Variants in EPHB1 observed in about 807,000 individuals in gnomAD.
EPHB1 encodes ephrin type-B receptor 1.
A neutral mutation model predicts 94.4 loss-of-function variants in EPHB1; 30 were observed. The observed-to-expected ratio is 0.32, with a 90% CI of 0.24 to 0.43. The LOEUF (loss-of-function observed/expected upper bound fraction) is 0.43, where lower values mean the gene tolerates loss of function less well. Among genes scored for constraint, EPHB1 ranks in the 20% least tolerant of loss-of-function variants. The pLI is 1.00. For missense variants in EPHB1, 1,055 were observed against 1,308.3 expected (o/e 0.81, Z 2.99); for synonymous variants, 522 against 489.1 (o/e 1.07, Z -0.89).
At chr3:134,882,543 G>A (rs979727931) in intron 1 of EPHB1, among the ~76,000 whole-genome samples, 5 of 152,268 alleles carry the variant, frequency 3.3e-5, no homozygotes, top group South Asian at 4.2e-4. Flanking sequence ...AAGCATCAGC[G>A]TCCAGATGGC....
chr3:135,152,089 G>C (rs1941211197), intron 5 of EPHB1, among the ~76,000 whole-genome samples: 2 of 152,186 alleles, frequency 1.3e-5, no homozygotes, highest in Non-Finnish European at 2.9e-5. Flanking sequence ...AGAATTTAGG[G>C]AACATGGTCT....
intron 6 of EPHB1, chr3:135,154,534 A>C: frequency 2.6e-6 from 1 of 389,830 alleles, no homozygotes; most frequent in Admixed American, 4.2e-5. Context: ...CTGGCTGGGA[A>C]GGACCAGTCC....
At chr3:134,898,246 C>G (rs1442198375) in intron 1 of EPHB1, among the ~76,000 whole-genome samples, 1 of 152,080 alleles carries the variant, frequency 6.6e-6, no homozygotes, top group Non-Finnish European at 1.5e-5. Flanking sequence ...TCTCATCACT[C>G]CAAATATCAT....
At chr3:135,033,017 A>G (rs1936530926) in intron 3 of EPHB1, among the ~76,000 whole-genome samples, 1 of 152,192 alleles carries the variant, frequency 6.6e-6, no homozygotes. Flanking sequence ...GGGATTCCAA[A>G]AAGCAGCAAA....
intron 3 of EPHB1, among the ~76,000 whole-genome samples, chr3:134,967,745 A>G (rs1281705446): frequency 1.3e-5 from 2 of 152,234 alleles, no homozygotes; most frequent in African/African-American, 4.8e-5. Context: ...GTTTTTAGTT[A>G]TAACAACAGA....
chr3:135,234,065 T>C (rs1379835977), intron 12 of EPHB1, among the ~76,000 whole-genome samples: 1 of 152,220 alleles, frequency 6.6e-6, no homozygotes, highest in African/African-American at 2.4e-5. Flanking sequence ...TTATTAGTTA[T>C]GAAAATTTCT....
intron 3 of EPHB1, among the ~76,000 whole-genome samples, chr3:134,966,777 C>T (rs1672128293): frequency 6.6e-6 from 1 of 152,260 alleles, no homozygotes. Flanking sequence ...TTTCTTTTCC[C>T]ATCTGCATTC....
intron 3 of EPHB1, among the ~76,000 whole-genome samples, chr3:134,969,623 C>A (rs967889483): frequency 1.6e-4 from 25 of 152,230 alleles, no homozygotes; most frequent in Non-Finnish European, 2.9e-4. Context: ...TAATGGGAGT[C>A]TTCATCAAAG....
chr3:134,962,305 G>A (rs535108085), intron 3 of EPHB1, among the ~76,000 whole-genome samples: 1 of 152,292 alleles, frequency 6.6e-6, no homozygotes, highest in South Asian at 2.1e-4. Context: ...GTGTGTTTGT[G>A]TGCTGCAGGT....
At chr3:135,043,781 C>A (rs990218429) in intron 3 of EPHB1, among the ~76,000 whole-genome samples, 2 of 152,210 alleles carry the variant, frequency 1.3e-5, no homozygotes, top group Non-Finnish European at 2.9e-5. Context: ...TTCACAAATT[C>A]TTTCCCACGT....
chr3:135,114,944 T>C (rs558654689), intron 4 of EPHB1, among the ~76,000 whole-genome samples: 4 of 152,342 alleles, frequency 2.6e-5, no homozygotes, highest in Non-Finnish European at 4.4e-5. Context: ...TGTATACTTT[T>C]AGAAGTTACT....
chr3:135,205,396 T>C (rs901437275), intron 12 of EPHB1, among the ~76,000 whole-genome samples: 6 of 152,206 alleles, frequency 3.9e-5, no homozygotes, highest in African/African-American at 1.4e-4. Context: ...CCATCTGTTA[T>C]TCCTTTATAC....
intron 12 of EPHB1, among the ~76,000 whole-genome samples, chr3:135,224,693 T>C (rs1943352719): frequency 6.6e-6 from 1 of 152,228 alleles, no homozygotes; most frequent in Non-Finnish European, 1.5e-5. Flanking sequence ...CTAGTCTTTA[T>C]TATCACAACG....
At chr3:134,975,485 G>C (rs1156345090) in intron 3 of EPHB1, among the ~76,000 whole-genome samples, 15 of 152,130 alleles carry the variant, frequency 9.9e-5, no homozygotes, top group Admixed American at 9.8e-4. Context: ...CACAGCTCCT[G>C]ACACTCTGCT....
intron 3 of EPHB1, among the ~76,000 whole-genome samples, chr3:134,960,272 C>T (rs932881698): frequency 1.3e-5 from 2 of 152,062 alleles, no homozygotes; most frequent in African/African-American, 4.8e-5. Context: ...AGAAGGAATG[C>T]ACCTCAAACA....
Position 134,951,920 on chromosome 3 carries a change from T to G in EPHB1, c.673T>G (p.Cys225Gly), listed in dbSNP as rs1354540205. 1.2e-6 allele frequency: 2 copies of G among 1,613,910 alleles called. No individual in the cohort carries two copies. The highest frequency in any genetic ancestry group is 1.7e-6 in the Non-Finnish European group (2 of 1,179,910). Reference protein sequence around the residue: ...STSLVIARGTCIPNAEEVDVP... With the variant: ...STSLVIARGTGIPNAEEVDVP... ...ATCTCTGGTGATTGCTCGGGGCACA[T>G]GCATCCCCAACGCAGAGGAAGTGGA... is the stretch of plus-strand genomic sequence containing the variant. Residue 225 changes from cysteine to glycine, a missense_variant, in exon 3 of 16, where the codon TGC becomes GGC. Coordinates refer to ENST00000398015, the MANE Select transcript of EPHB1 (RefSeq NM_004441.5). The surrounding 1 kb of genome is among the most constrained non-coding windows in gnomAD (Gnocchi z 4.5).
chr3:134,827,213 A>G (rs1464870007), intron 1 of EPHB1, among the ~76,000 whole-genome samples: 1 of 152,228 alleles, frequency 6.6e-6, no homozygotes, highest in Non-Finnish European at 1.5e-5. Context: ...AAATTCACAC[A>G]ATTACTATAT....
At chr3:134,941,743 ATG>A (rs1306145473) in intron 2 of EPHB1, among the ~76,000 whole-genome samples, 1 of 135,200 alleles carries the variant, frequency 7.4e-6, no homozygotes, top group Non-Finnish European at 1.5e-5. Context: ...TGCTTTACAT[ATG>A]CACACAGACA....
chr3:135,091,761 A>G (rs891812078), intron 3 of EPHB1, among the ~76,000 whole-genome samples: 1 of 152,088 alleles, frequency 6.6e-6, no homozygotes, highest in South Asian at 2.1e-4. Flanking sequence ...TGTGTTTCCT[A>G]TTTGCTCTGT....
Sources: gnomAD v4.1 joint callset for allele counts (sites outside exome capture counted in the v4.1 genomes callset) on GRCh38, gnomAD v4.1.1 for gene constraint, Gnocchi (gnomAD v3.1) non-coding constraint, MANE v1.5 for transcripts, NCBI Gene and HGNC (gene_info 2026-07-23, HGNC 2026-07-21) for gene names.